SEPTIN3: variants seen among roughly 807,000 people sequenced by gnomAD.
SEPTIN3 encodes the protein septin 3, also known as neuronal-specific septin-3.
SEPTIN3 carries 15 observed loss-of-function variants against 45.1 expected under a neutral mutation model. The ratio of observed to expected loss-of-function variants is 0.33; its 90% CI spans 0.22 to 0.51. SEPTIN3 has a LOEUF of 0.51. Ranked by LOEUF, SEPTIN3 falls within the 20% of genes least tolerant of loss-of-function variation. The probability of loss-of-function intolerance (pLI) is 0.97; values close to 1 mark genes in which losing one functional copy is unlikely to be tolerated. For synonymous variants in SEPTIN3, 148 were observed against 164.8 expected (o/e 0.90, Z 0.78); for missense variants, 289 against 457.2 (o/e 0.63, Z 3.35).
rs1921095769 is a variant in SEPTIN3 at position 41,998,141 on chromosome 22, C to G, written c.*1174C>G. ...GTTAAATTTCCCAATTGAAAACAAG[C>G]AAACAGACACTCAAACTGGTCCTGT... On this transcript the variant is annotated 3_prime_UTR_variant, in exon 12 of 12. Transcript: ENST00000644076. 6.6e-6 allele frequency: 1 copy of G among 152,644 alleles called. No homozygotes were observed. Among genetic ancestry groups the G allele is most frequent in the Non-Finnish European group, 1.5e-5 (1 of 68,042 alleles). 9.5% of individuals were successfully genotyped at this position (152,644 alleles called of 1,614,324 possible).
chr22:41,987,029 T>C (rs927185322), intron 4 of SEPTIN3, among the ~76,000 whole-genome samples, 177 bp from the exon 5 acceptor site: 18 of 151,994 alleles, frequency 1.2e-4, no homozygotes, highest in Non-Finnish European at 2.5e-4. Context: ...GTATTCCAGA[T>C]TCCAGGTACA....
At chr22:41,990,491 A>G (rs555505785) in intron 7 of SEPTIN3, among the ~76,000 whole-genome samples, 25 of 149,918 alleles carry the variant, frequency 1.7e-4, no homozygotes, top group Non-Finnish European at 3.1e-4. Flanking sequence ...CATGCCTGTA[A>G]TCCCAGCACT....
Position 41,976,997 on chromosome 22 carries a change from G to T in SEPTIN3, c.1504+4001G>T. On this transcript the variant is annotated intron_variant, in intron 2 of 11. Coordinates refer to ENST00000644076, the MANE Select transcript of SEPTIN3 (RefSeq NM_001363845.2). The surrounding 1 kb of genome is among the most constrained non-coding windows in gnomAD (Gnocchi z 5.8). ...GGCCGCTCGGCCCGGGGAAGCCCGC[G>T]CCCCGCTCAGCCTTGCAGCCCCGCG... 5 of 1,539,648 alleles carry T rather than the reference G, an allele frequency of 3.2e-6. No individual in the cohort carries two copies. The South Asian group carries it at 3.5e-5, about 11-fold the overall frequency.
intron 2 of SEPTIN3, among the ~76,000 whole-genome samples, chr22:41,977,708 G>A (rs541892880): frequency 6.6e-6 from 1 of 152,032 alleles, no homozygotes; most frequent in African/African-American, 2.4e-5. Context: ...AGGAAGAGGG[G>A]GGGCCTGCAC....
chr22:41,982,194 A>C, intron 3 of SEPTIN3: 3 of 234,494 alleles, frequency 1.3e-5, no homozygotes, highest in Non-Finnish European at 1.7e-5. Flanking sequence ...TCTTATTTCT[A>C]CTCTTTTGTA....
chr22:41,980,291 C>G (rs575966516), intron 2 of SEPTIN3, among the ~76,000 whole-genome samples: 2 of 152,174 alleles, frequency 1.3e-5, no homozygotes, highest in Admixed American at 1.3e-4. Context: ...GCGCCTGCCA[C>G]CATGCCTGGC....
intron 2 of SEPTIN3, among the ~76,000 whole-genome samples, chr22:41,975,168 G>A (rs1259204514): frequency 6.6e-6 from 1 of 152,064 alleles, no homozygotes; most frequent in Non-Finnish European, 1.5e-5. Flanking sequence ...CTCTAAAATA[G>A]GGCAACACAA....
In SEPTIN3 at chr22:41,969,503, G is replaced by C. The variant is rs1012191784; in HGVS notation, c.-194G>C. 1 of 152,480 alleles carries C rather than the reference G, an allele frequency of 6.6e-6. No individual in the cohort carries two copies. Among genetic ancestry groups the C allele is most frequent in the Non-Finnish European group, 1.5e-5 (1 of 68,394 alleles). 9.4% of individuals were successfully genotyped at this position (152,480 alleles called of 1,614,324 possible). The stretch of plus-strand genomic sequence containing the variant: ...TGGTGGGACAGTGAGCAGAGGGCTG[G>C]GCCCTGTGCCTGGGGACTGTGGCCT... On this transcript the variant is annotated 5_prime_UTR_variant, in exon 1 of 12. Coordinates refer to ENST00000644076, the MANE Select transcript of SEPTIN3 (RefSeq NM_001363845.2).
At chr22:41,987,892 G>A (rs2078236242) in intron 6 of SEPTIN3, 133 bp downstream of exon 6, 1 of 874,848 alleles carries the variant, frequency 1.1e-6, no homozygotes, top group Non-Finnish European at 1.7e-6. Flanking sequence ...AGCCAGATGG[G>A]TTGGTACATA....
At chr22:41,989,214 A>G (rs1259453630) in intron 6 of SEPTIN3, among the ~76,000 whole-genome samples, 1 of 151,806 alleles carries the variant, frequency 6.6e-6, no homozygotes, top group Admixed American at 6.6e-5. Flanking sequence ...CAGACAAAAA[A>G]GGAAAAAAGA....
chr22:41,987,630 C>T lies in SEPTIN3; in HGVS notation c.1916C>T (p.Pro639Leu). 6.2e-7 allele frequency: 1 copy of T among 1,609,952 alleles called. No individual in the cohort carries two copies. Among genetic ancestry groups the T allele is most frequent in the Non-Finnish European group, 8.5e-7 (1 of 1,176,600 alleles). ...CTTTCCCTCCCCATCAGCTGGGAGC[C>T]CATTGAGAAGTACATCAATGAGCAG... The part of the protein sequence containing the change: ...DQINNENCWE[P>L]IEKYINEQYE... The change falls in exon 6 of 12, where the codon CCC (proline) becomes CTC (leucine). Residue 639 changes from proline (P) to leucine (L), a missense_variant. By Grantham distance (98) the Pro-to-Leu change is moderately conservative. This residue lies in a region of SEPTIN3 where 200 missense variants were observed against 315.1 expected (regional missense o/e 0.63). Coordinates refer to ENST00000644076, the MANE Select transcript of SEPTIN3 (RefSeq NM_001363845.2).
intron 6 of SEPTIN3, 82 bp downstream of exon 6, chr22:41,987,841 T>C (rs2078235549): frequency 1.4e-6 from 2 of 1,472,420 alleles, no homozygotes; most frequent in Admixed American, 1.9e-5. Context: ...GATCCATACG[T>C]TGACTCAGCT....
Position 41,986,096 on chromosome 22 carries a change from C to G in SEPTIN3, c.1809C>G (p.Ile603Met). 1 of 1,613,264 alleles carries G rather than the reference C, an allele frequency of 6.2e-7. No homozygotes were observed. The highest frequency in any genetic ancestry group is 8.5e-7 in the Non-Finnish European group (1 of 1,179,656). Reference sequence around the variant, plus strand: ...AGAAGATCCCCAAGACAGTGGAGATCAAAGCTATCGGGCATGGTGAGGACC... The same window carrying G: ...AGAAGATCCCCAAGACAGTGGAGATGAAAGCTATCGGGCATGGTGAGGACC... ...REEKIPKTVE[I>M]KAIGHVIEEG... The change falls in exon 4 of 12, where the codon ATC (isoleucine) becomes ATG (methionine). Residue 603 changes from isoleucine to methionine, a missense_variant. Ile to Met is a conservative substitution (Grantham distance 10). This residue lies in a region of SEPTIN3 where 200 missense variants were observed against 315.1 expected (regional missense o/e 0.63). Coordinates refer to ENST00000644076, the MANE Select transcript of SEPTIN3 (RefSeq NM_001363845.2).
Position 41,972,802 on chromosome 22 carries a change from C to T in SEPTIN3, c.1310C>T (p.Ser437Leu), listed in dbSNP as rs561622855. 13 of 399,158 alleles carry T rather than the reference C, an allele frequency of 3.3e-5. No individual in the cohort carries two copies. The highest frequency in any genetic ancestry group is 4.4e-5 in the Non-Finnish European group (10 of 226,156). The allele number at this position is 399,158 out of a possible 1,614,324, so 24.7% of individuals were successfully genotyped here. ...DTSRMGTAVG[S>L]VVPVTPDPAT... Reference sequence around the variant, plus strand: ...AGCAGGATGGGCACAGCTGTGGGTTCAGTTGTGCCAGTAACCCCAGACCCA... The same window carrying T: ...AGCAGGATGGGCACAGCTGTGGGTTTAGTTGTGCCAGTAACCCCAGACCCA... The change falls in exon 2 of 12, where the codon TCA becomes TTA. Residue 437 changes from serine to leucine, a missense_variant. By Grantham distance (145) the Ser-to-Leu change is moderately radical. Transcript: ENST00000644076.
At position 41,976,931 on chromosome 22, in the gene SEPTIN3, G is replaced by T; in HGVS notation, c.1504+3935G>T. ...GGCGCGGCGGGGCCGCGGGCCGGGC[G>T]GGTGGGAGGAGAGCGCGAAGGGGCG... On this transcript the variant is annotated intron_variant, in intron 2 of 11. Coordinates refer to ENST00000644076, the MANE Select transcript of SEPTIN3 (RefSeq NM_001363845.2). The surrounding 1 kb of genome is among the most constrained non-coding windows in gnomAD (Gnocchi z 5.8). The T allele has an allele frequency of 3.6e-6, 2 of 559,028 alleles. No homozygotes were observed. The highest frequency in any genetic ancestry group is 4.9e-6 in the Non-Finnish European group (2 of 405,356). 34.6% of individuals were successfully genotyped at this position (559,028 alleles called of 1,614,324 possible).
At position 41,972,314 on chromosome 22, in the gene SEPTIN3, C is replaced by A. The variant is rs530195954; in HGVS notation, c.822C>A (p.Thr274=). Reference sequence around the variant, plus strand: ...CCAGACATTTAGCCACAATGGCCACCAACAGACCTAGCTTGGCTATCAATT... The same window carrying A: ...CCAGACATTTAGCCACAATGGCCACAAACAGACCTAGCTTGGCTATCAATT... ...DAARHLATMA[T]NRPSLAINLA... Residue 274 remains threonine, a synonymous_variant, in exon 2 of 12, where the codon ACC becomes ACA. Transcript: ENST00000644076. 1 of 399,180 alleles carries A rather than the reference C, an allele frequency of 2.5e-6. No individual in the cohort carries two copies. Among genetic ancestry groups the A allele is most frequent in the East Asian group, 3.6e-5 (1 of 28,088 alleles). 24.7% of individuals were successfully genotyped at this position (399,180 alleles called of 1,614,324 possible).
intron 9 of SEPTIN3, among the ~76,000 whole-genome samples, chr22:41,993,744 T>C (rs1249598733): frequency 6.6e-6 from 1 of 152,194 alleles, no homozygotes; most frequent in Non-Finnish European, 1.5e-5. Context: ...TCCTCCTACC[T>C]TGGCCTCCCA....
Position 41,994,483 on chromosome 22 carries a change from G to A in SEPTIN3, c.2412-138G>A, listed in dbSNP as rs1303501604. 2.6e-6 allele frequency: 4 copies of A among 1,515,700 alleles called. No individual in the cohort carries two copies. The highest frequency in any genetic ancestry group is 3.6e-6 in the Non-Finnish European group (4 of 1,106,404). 93.9% of individuals were successfully genotyped at this position (1,515,700 alleles called of 1,614,324 possible). ...CAGTTCCAGCTCCTGTTGCAAAATG[G>A]AAGGTGCTGTAGAAGAATCCTTAGC... is the stretch of plus-strand genomic sequence containing the variant. On this transcript the variant is annotated intron_variant, in intron 10 of 11. Transcript: ENST00000644076. This position sits in a 1 kb window ranked among gnomAD's most constrained non-coding sequence, Gnocchi z 4.2.
Position 41,994,791 on chromosome 22 carries a change from T to TCA in SEPTIN3, c.2505+88_2505+89dup, listed in dbSNP as rs369097567. ...CTCTGTGTCATCACACATACCCACT[T>TCA]CACACACACACATCCCAAATACCAC... On this transcript the variant is annotated intron_variant, in intron 11 of 11. Transcript: ENST00000644076. This position sits in a 1 kb window ranked among gnomAD's most constrained non-coding sequence, Gnocchi z 4.2. 6.2e-7 allele frequency: 1 copy of TCA among 1,611,594 alleles called. No individual in the cohort carries two copies. The highest frequency in any genetic ancestry group is 1.3e-5 in the African/African-American group (1 of 74,670).
Sources: gnomAD v4.1 joint callset for allele counts (sites outside exome capture counted in the v4.1 genomes callset) on GRCh38, gnomAD v4.1.1 for gene constraint, gnomAD v4.1.1 regional missense constraint, Gnocchi (gnomAD v3.1) non-coding constraint, MANE v1.5 for transcripts, NCBI Gene and HGNC (gene_info 2026-07-23, HGNC 2026-07-21) for gene names.